The following FRMD4A variants were observed in gnomAD, a reference collection of about 807,000 sequenced individuals.
FRMD4A encodes the protein FERM domain containing 4A, also known as FERM domain-containing protein 4A.
Under a neutral mutation model 129.1 loss-of-function variants are expected in FRMD4A, and 29 were observed. The ratio of observed to expected loss-of-function variants is 0.22; its 90% CI spans 0.17 to 0.31. The LOEUF is 0.31. FRMD4A is among the 10% of genes least tolerant of loss of function. FRMD4A has a pLI of 1.00. For missense variants in FRMD4A, 1,272 were observed against 1,375.8 expected (o/e 0.92, Z 1.19); for synonymous variants, 634 against 571.6 (o/e 1.11, Z -1.56).
intron 3 of FRMD4A, among the ~76,000 whole-genome samples, chr10:13,857,197 AT>A (rs963058569): frequency 5.1e-4 from 78 of 152,108 alleles, no homozygotes; most frequent in African/African-American, 1.2e-3. Context: ...TAGTGGTAAA[AT>A]TTTTTTTTTT....
intron 2 of FRMD4A, among the ~76,000 whole-genome samples, chr10:13,937,515 C>T (rs2095258560): frequency 6.6e-6 from 1 of 152,154 alleles, no homozygotes; most frequent in Admixed American, 6.5e-5. Flanking sequence ...AAGAGGGGTG[C>T]CTTTTAGGTT....
intron 4 of FRMD4A, among the ~76,000 whole-genome samples, chr10:13,809,659 G>C (rs189550873): frequency 3.3e-5 from 5 of 152,266 alleles, no homozygotes; most frequent in East Asian, 1.9e-4. Context: ...GCTCCAGGAC[G>C]AGGGGCCCAC....
At chr10:13,790,287 C>A (rs1295975461) in intron 5 of FRMD4A, among the ~76,000 whole-genome samples, 2 of 152,160 alleles carry the variant, frequency 1.3e-5, no homozygotes, top group South Asian at 4.1e-4. Context: ...AAGACGACGA[C>A]ATCATTAGAT....
chr10:14,267,484 G>A (rs1425764237), intron 2 of FRMD4A, among the ~76,000 whole-genome samples: 1 of 152,140 alleles, frequency 6.6e-6, no homozygotes, highest in Admixed American at 6.5e-5. Context: ...CCTAAGCTCA[G>A]GTCTGTCCAA....
At chr10:14,304,739 G>A (rs1199578422) in intron 2 of FRMD4A, among the ~76,000 whole-genome samples, 1 of 152,160 alleles carries the variant, frequency 6.6e-6, no homozygotes, top group Non-Finnish European at 1.5e-5. Flanking sequence ...CCAGGCAGTG[G>A]GAGAACTTTC....
chr10:14,229,115 T>C (rs1269402142), intron 2 of FRMD4A, among the ~76,000 whole-genome samples: 1 of 152,068 alleles, frequency 6.6e-6, no homozygotes, highest in African/African-American at 2.4e-5. Flanking sequence ...TTTTGTTTTT[T>C]TTTAAGATGC....
chr10:14,134,286 T>TGGAC (rs1839417967), intron 2 of FRMD4A, among the ~76,000 whole-genome samples: 2 of 150,406 alleles, frequency 1.3e-5, no homozygotes, highest in East Asian at 3.9e-4. Flanking sequence ...GATGGATGGA[T>TGGAC]AGGTAGATAA....
At chr10:13,742,674 G>T (rs1324375653) in intron 9 of FRMD4A, among the ~76,000 whole-genome samples, 2 of 152,054 alleles carry the variant, frequency 1.3e-5, no homozygotes, top group African/African-American at 4.8e-5. Flanking sequence ...GCACCACCAC[G>T]CCTGGCTAAT....
chr10:14,189,171 C>T (rs549708498), intron 2 of FRMD4A, among the ~76,000 whole-genome samples: 2 of 152,244 alleles, frequency 1.3e-5, no homozygotes, highest in South Asian at 4.1e-4. Context: ...AGCATTGCTA[C>T]GATGTCACCC....
At chr10:13,920,605 G>A (rs539974891) in intron 2 of FRMD4A, among the ~76,000 whole-genome samples, 7 of 152,184 alleles carry the variant, frequency 4.6e-5, no homozygotes, top group Non-Finnish European at 8.8e-5. Context: ...ACTTATAGGT[G>A]AATAGTGGAA....
chr10:14,314,956 T>TG (rs1253451619), intron 2 of FRMD4A, among the ~76,000 whole-genome samples: 1 of 151,868 alleles, frequency 6.6e-6, no homozygotes, highest in Non-Finnish European at 1.5e-5. Context: ...ATAGTTTTTT[T>TG]TTTAATTTTT....
chr10:14,017,640 T>A (rs961695093), intron 2 of FRMD4A, among the ~76,000 whole-genome samples: 1 of 152,218 alleles, frequency 6.6e-6, no homozygotes, highest in Non-Finnish European at 1.5e-5. Flanking sequence ...GAATAGTTCA[T>A]CTTGGTTCAA....
chr10:13,765,271 C>T (rs1225338148), intron 6 of FRMD4A, among the ~76,000 whole-genome samples: 1 of 151,860 alleles, frequency 6.6e-6, no homozygotes, highest in East Asian at 1.9e-4. Context: ...CCCACCACCA[C>T]GCCTGGCTAA....
rs561856094 is a variant in FRMD4A at position 14,125,398 on chromosome 10, A to G, written c.45+204660T>C. ...AGTAGTACATTCACCCAAAGACAAC[A>G]GGATGACAAGCCTCCTTCCAGGACA... On this transcript the variant is annotated intron_variant, in intron 2 of 24. Transcript: ENST00000357447. Among the ~76,000 whole-genome samples, 200 of 152,286 alleles carry G rather than the reference A, an allele frequency of 1.3e-3. 1 individual carries two copies. Among genetic ancestry groups the G allele is most frequent in the African/African-American group, 4.4e-3 (181 of 41,572 alleles).
At chr10:14,250,806 G>C (rs1273490390) in intron 2 of FRMD4A, among the ~76,000 whole-genome samples, 1 of 152,180 alleles carries the variant, frequency 6.6e-6, no homozygotes, top group Non-Finnish European at 1.5e-5. Context: ...GCAGTCTCAG[G>C]GGGAGGCCCA....
At chr10:14,298,826 G>C (rs970620712) in intron 2 of FRMD4A, among the ~76,000 whole-genome samples, 21 of 152,296 alleles carry the variant, frequency 1.4e-4, no homozygotes, top group African/African-American at 4.8e-4. Context: ...GAGTAGGGGA[G>C]GAGGACACTC....
intron 12 of FRMD4A, among the ~76,000 whole-genome samples, chr10:13,723,911 A>G (rs540758524): frequency 3.2e-4 from 48 of 152,296 alleles, no homozygotes; most frequent in Middle Eastern, 6.8e-3. Context: ...CTTTAGAGCA[A>G]GTTTGAAGCT....
At chr10:14,075,908 G>C (rs991899992) in intron 2 of FRMD4A, among the ~76,000 whole-genome samples, 1 of 152,192 alleles carries the variant, frequency 6.6e-6, no homozygotes, top group Admixed American at 6.5e-5. Flanking sequence ...GATTGTGTCT[G>C]TGCTTGCTTT....
chr10:14,201,122 T>C (rs866066602), intron 2 of FRMD4A, among the ~76,000 whole-genome samples: 1 of 152,144 alleles, frequency 6.6e-6, no homozygotes, highest in African/African-American at 2.4e-5. Flanking sequence ...AGGTCAGAGA[T>C]ACCAGCACCG....
Sources: gnomAD v4.1 joint callset for allele counts (sites outside exome capture counted in the v4.1 genomes callset) on GRCh38, gnomAD v4.1.1 for gene constraint, MANE v1.5 for transcripts, NCBI Gene and HGNC (gene_info 2026-07-23, HGNC 2026-07-21) for gene names.